Variants in VWA3A observed in about 807,000 individuals in gnomAD.
VWA3A encodes von Willebrand factor A domain-containing protein 3A.
In VWA3A, 134 loss-of-function variants were observed where a neutral mutation model predicts 160.4. That is an observed-to-expected ratio of 0.84 (90% CI 0.73 to 0.96). The LOEUF (loss-of-function observed/expected upper bound fraction) is 0.96, where lower values mean the gene tolerates loss of function less well. VWA3A is among the 40% of genes least tolerant of loss of function. VWA3A has a pLI of 0.00. For synonymous variants in VWA3A, 476 were observed against 543.4 expected, an observed-to-expected ratio of 0.88 and a Z score of 1.72; for missense variants, 1,310 against 1,447.9, an observed-to-expected ratio of 0.90 and a Z score of 1.55.
intron 13 of VWA3A, among the ~76,000 whole-genome samples, 172 bp downstream of exon 13, chr16:22,121,275 A>G (rs2045730042): frequency 6.6e-6 from 1 of 152,100 alleles, no homozygotes; most frequent in Non-Finnish European, 1.5e-5. Context: ...GCAAGACCCC[A>G]TCTCTATAAA....
Position 22,100,417 on chromosome 16 carries a change from G to T in VWA3A, c.352G>T (p.Glu118Ter). ...DLISQGTEVLEEGTNVVQKIC... is the reference protein window; with the variant it reads ...DLISQGTEVL ...CCTCATAAGGCTTTGCTTCTTCAGG[G>T]AGGAGGGCACCAATGTCGTGCAGAA... is the stretch of plus-strand genomic sequence containing the variant. Residue 118 changes from glutamate (E) to a stop codon, truncating the protein, a stop_gained and splice_region_variant, in exon 5 of 34, where the codon GAG (glutamate) becomes TAG (stop). Transcript: ENST00000389398. LOFTEE classifies it high-confidence loss of function. 1 of 1,551,670 alleles carries T rather than the reference G, an allele frequency of 6.4e-7. No homozygotes were observed. The highest frequency in any genetic ancestry group is 8.7e-7 in the Non-Finnish European group (1 of 1,147,006).
chr16:22,133,976 T>G (rs1343842574), intron 20 of VWA3A, among the ~76,000 whole-genome samples: 1 of 152,114 alleles, frequency 6.6e-6, no homozygotes, highest in Admixed American at 6.6e-5. Flanking sequence ...AGCAACATTT[T>G]TTTTAGAGAC....
rs758288165 is a variant in VWA3A, at chr16:22,133,036, C to T, written c.2009C>T (p.Ala670Val). ...TATGCCAGTCACACTGACACAGCCG[C>T]CGCCTACAAGGAGGTCACCCGGGCT... ...ARYASHTDTA[A>V]AYKEVTRAAG... Residue 670 changes from alanine to valine, a missense_variant, in exon 20 of 34, where the codon GCC (alanine) becomes GTC (valine). Physicochemically the swap from Ala to Val is moderately conservative, Grantham distance 64 (BLOSUM62 0). Coordinates refer to ENST00000389398, the MANE Select transcript of VWA3A (RefSeq NM_173615.5). 2 of 1,613,808 alleles carry T rather than the reference C, an allele frequency of 1.2e-6. No individual in the cohort carries two copies. The highest frequency in any genetic ancestry group is 8.5e-7 in the Non-Finnish European group (1 of 1,179,880).
chr16:22,125,011 T>C (rs564261062), intron 16 of VWA3A, among the ~76,000 whole-genome samples: 4 of 152,126 alleles, frequency 2.6e-5, no homozygotes, highest in Non-Finnish European at 4.4e-5. Context: ...AAGATAAAAA[T>C]ATTTTCCAAG....
At chr16:22,146,467 G>A in intron 27 of VWA3A, 123 bp downstream of exon 27, 4 of 762,270 alleles carry the variant, frequency 5.2e-6, no homozygotes, top group Non-Finnish European at 8.4e-6. Context: ...CAGAGGATTA[G>A]GCCAGGAACA....
intron 19 of VWA3A, 29 bp from the exon 20 acceptor site, chr16:22,132,871 G>T (rs755322127): frequency 1.3e-6 from 2 of 1,597,408 alleles, no homozygotes; most frequent in Non-Finnish European, 1.7e-6. Context: ...CTCAGCTGCT[G>T]GCCCCTCCTA....
intron 1 of VWA3A, 115 bp from the exon 2 acceptor site, chr16:22,096,744 C>CA (rs765791805): frequency 6.2e-4 from 434 of 704,804 alleles, no homozygotes; most frequent in Non-Finnish European, 7.0e-4. Context: ...GACCCTATCT[C>CA]AAAAAAAAAT....
chr16:22,122,460 G>A (rs1315461941), intron 14 of VWA3A, among the ~76,000 whole-genome samples: 1 of 152,188 alleles, frequency 6.6e-6, no homozygotes, highest in African/African-American at 2.4e-5. Context: ...TGGATGGATG[G>A]AGGAGTGAAA....
intron 9 of VWA3A, among the ~76,000 whole-genome samples, chr16:22,116,021 G>A (rs889542003): frequency 2.0e-5 from 3 of 149,822 alleles, no homozygotes; most frequent in African/African-American, 7.4e-5. Context: ...AAAGAAGAAA[G>A]AGAAAAGATC....
At chr16:22,121,227 G>C in intron 13 of VWA3A, 124 bp downstream of exon 13, 1 of 1,445,156 alleles carries the variant, frequency 6.9e-7, no homozygotes, top group African/African-American at 1.4e-5. Flanking sequence ...GGAAGGATCA[G>C]TTGAGGCCAG....
rs368295000 is a variant in VWA3A, at chr16:22,134,381, C to T, written c.2082C>T (p.Ser694=). ...CTTTGTTTCCAGGCATTTATGAGAG[C>T]GATGACATCAACTCCATCATGTCTG... ...HWFGDTGIYE[S]DDINSIMSEM... Residue 694 remains serine (S), a synonymous_variant, in exon 21 of 34, where the codon AGC becomes AGT. Transcript: ENST00000389398. 6.4e-5 allele frequency: 103 copies of T among 1,598,596 alleles called. No homozygotes were observed. Among genetic ancestry groups the T allele is most frequent in the Middle Eastern group, 1.6e-4 (1 of 6,062 alleles).
At chr16:22,116,169 G>A (rs1465921513) in intron 9 of VWA3A, among the ~76,000 whole-genome samples, 1 of 141,462 alleles carries the variant, frequency 7.1e-6, no homozygotes, top group East Asian at 2.1e-4. Context: ...AAGAAAGAAA[G>A]AAACAAAGAA....
At chr16:22,092,717 G>T in intron 1 of VWA3A, 66 bp downstream of exon 1, 1 of 1,540,384 alleles carries the variant, frequency 6.5e-7, no homozygotes. Context: ...CAGATACTAA[G>T]CTCTGGACTG....
At chr16:22,121,399 G>A in intron 13 of VWA3A, 115 bp from the exon 14 acceptor site, 1 of 876,516 alleles carries the variant, frequency 1.1e-6, no homozygotes. Context: ...AGTTATGATT[G>A]TGCCACTGCA....
At chr16:22,127,178 G>A (rs1360826156) in intron 17 of VWA3A, among the ~76,000 whole-genome samples, 1 of 151,852 alleles carries the variant, frequency 6.6e-6, no homozygotes, top group African/African-American at 2.4e-5. Flanking sequence ...CCTGACTGGA[G>A]TGCAGTGGCT....
At chr16:22,131,787 C>T in intron 19 of VWA3A, 58 bp downstream of exon 19, 1 of 1,549,714 alleles carries the variant, frequency 6.5e-7, no homozygotes, top group Non-Finnish European at 8.7e-7. Context: ...CGTCTTCCCC[C>T]AGGTGGATAC....
chr16:22,141,278 G>A (rs574071245), intron 23 of VWA3A: 13 of 551,628 alleles, frequency 2.4e-5, no homozygotes, highest in Non-Finnish European at 3.8e-5. Context: ...TCTTACTGGT[G>A]GATTCCCACT....
intron 23 of VWA3A, 90 bp downstream of exon 23, chr16:22,140,334 G>A: frequency 8.2e-7 from 1 of 1,223,876 alleles, no homozygotes; most frequent in Non-Finnish European, 1.2e-6. Flanking sequence ...AGAGCCACGT[G>A]TGGAAGCTCG....
chr16:22,103,043 G>A (rs1411453720), intron 5 of VWA3A, among the ~76,000 whole-genome samples: 1 of 152,128 alleles, frequency 6.6e-6, no homozygotes, highest in Non-Finnish European at 1.5e-5. Context: ...TGGCAAACAA[G>A]TATCTTCAGT....
Sources: gnomAD v4.1 joint callset for allele counts (sites outside exome capture counted in the v4.1 genomes callset) on GRCh38, gnomAD v4.1.1 for gene constraint, MANE v1.5 for transcripts, NCBI Gene and HGNC (gene_info 2026-07-23, HGNC 2026-07-21) for gene names.